The following TMTC1 variants were observed in gnomAD, a reference collection of about 807,000 sequenced individuals.
TMTC1 encodes the protein protein O-mannosyl-transferase TMTC1.
In TMTC1, 73 loss-of-function variants were observed where a neutral mutation model predicts 104.8. The observed-to-expected ratio is 0.70, with a 90% CI of 0.58 to 0.85. TMTC1 has a LOEUF of 0.85. Ranked by LOEUF, TMTC1 falls within the 40% of genes least tolerant of loss-of-function variation. The probability of loss-of-function intolerance (pLI) is 0.00; values close to 1 mark genes in which losing one functional copy is unlikely to be tolerated. For synonymous variants in TMTC1, 434 were observed against 428.7 expected (o/e 1.01, Z -0.15); for missense variants, 1,035 against 1,096.1 (o/e 0.94, Z 0.79).
At chr12:29,703,991 T>C (rs1941672841) in intron 5 of TMTC1, among the ~76,000 whole-genome samples, 1 of 152,156 alleles carries the variant, frequency 6.6e-6, no homozygotes, top group African/African-American at 2.4e-5. Flanking sequence ...GTTTTTCCCA[T>C]GAGACCTCCC....
At chr12:29,670,453 G>A (rs1940461809) in intron 5 of TMTC1, among the ~76,000 whole-genome samples, 1 of 152,186 alleles carries the variant, frequency 6.6e-6, no homozygotes, top group African/African-American at 2.4e-5. Context: ...CTTGTCCCAA[G>A]GTTCCACAGG....
At chr12:29,546,948 C>G (rs1944959062) in intron 10 of TMTC1, among the ~76,000 whole-genome samples, 1 of 152,128 alleles carries the variant, frequency 6.6e-6, no homozygotes, top group African/African-American at 2.4e-5. Context: ...AAAAATTATT[C>G]CTTTTTCACC....
At chr12:29,661,199 C>G (rs939113523) in intron 5 of TMTC1, 3 of 231,280 alleles carry the variant, frequency 1.3e-5, no homozygotes, top group Admixed American at 6.5e-5. Flanking sequence ...GGACTCAGCT[C>G]TGTTAGCTAT....
At chr12:29,714,310 TGCA>T (rs1364590668) in intron 5 of TMTC1, among the ~76,000 whole-genome samples, 1 of 152,242 alleles carries the variant, frequency 6.6e-6, no homozygotes, top group Non-Finnish European at 1.5e-5. Context: ...TTCTTTGACG[TGCA>T]GCAGAAGTGC....
intron 11 of TMTC1, chr12:29,534,767 C>T (rs1279212076): frequency 1.3e-5 from 2 of 152,100 alleles, no homozygotes; most frequent in African/African-American, 2.4e-5. Context: ...GAATAAAACA[C>T]ATAGCTGTTC....
chr12:29,525,494 T>G (rs1944316769), intron 11 of TMTC1, among the ~76,000 whole-genome samples: 1 of 152,072 alleles, frequency 6.6e-6, no homozygotes, highest in Non-Finnish European at 1.5e-5. Flanking sequence ...CAAAGGGCAG[T>G]CTTTTTCTGA....
chr12:29,779,558 C>A (rs967921808), intron 1 of TMTC1, among the ~76,000 whole-genome samples: 1 of 152,136 alleles, frequency 6.6e-6, no homozygotes, highest in Non-Finnish European at 1.5e-5. Context: ...TATTAGTATA[C>A]AAGCAACCAC....
chr12:29,513,095 T>C (rs11050263), intron 16 of TMTC1, among the ~76,000 whole-genome samples: 13,076 of 152,214 alleles, frequency 0.086, 729 homozygotes, highest in Non-Finnish European at 0.13. Flanking sequence ...TCAGTGAAGA[T>C]GGGAATGTAG....
intron 5 of TMTC1, among the ~76,000 whole-genome samples, chr12:29,713,337 A>AGG (rs1941987171): frequency 6.8e-6 from 1 of 147,196 alleles, no homozygotes; most frequent in African/African-American, 2.5e-5. Context: ...ACACACACAC[A>AGG]CACAGGGAGA....
chr12:29,584,168 C>A (rs911171998), intron 7 of TMTC1, among the ~76,000 whole-genome samples: 4 of 152,160 alleles, frequency 2.6e-5, no homozygotes, highest in Non-Finnish European at 5.9e-5. Context: ...AGACAAGATG[C>A]ATTGATATGC....
chr12:29,583,049 C>T (rs1370673921), intron 8 of TMTC1, among the ~76,000 whole-genome samples: 2 of 152,172 alleles, frequency 1.3e-5, no homozygotes, highest in Non-Finnish European at 2.9e-5. Context: ...ATTTCTCTTC[C>T]CTCTGGCTGT....
intron 5 of TMTC1, among the ~76,000 whole-genome samples, chr12:29,694,423 C>T (rs1941354467): frequency 6.6e-6 from 1 of 152,160 alleles, no homozygotes; most frequent in Non-Finnish European, 1.5e-5. Context: ...CACACATCCT[C>T]CCATACACTT....
intron 5 of TMTC1, among the ~76,000 whole-genome samples, chr12:29,730,188 T>C (rs1474663350): frequency 6.6e-6 from 1 of 152,180 alleles, no homozygotes; most frequent in Non-Finnish European, 1.5e-5. Context: ...CCTGACAAAG[T>C]GAGATTTAAA....
In TMTC1 at chr12:29,583,532, G is replaced by C. The variant is rs745356131; in HGVS notation, c.1293C>G (p.Leu431=). The change falls in exon 8 of 18, where the codon CTC becomes CTG. Residue 431 remains leucine, a synonymous_variant. Transcript: ENST00000539277. ...CCCCACATCGATTCAGCCAAGTGCA[G>C]AGCTTGCTCAGTCCATGCACAAAAA... is the stretch of plus-strand genomic sequence containing the variant. ...CILFVHGLSK[L]CTWLNRCGAT... The C allele has an allele frequency of 1.9e-6, 3 of 1,613,828 alleles. No homozygotes were observed. The highest frequency in any genetic ancestry group is 2.2e-5 in the East Asian group (1 of 44,818).
chr12:29,713,921 G>A (rs1307438185), intron 5 of TMTC1, among the ~76,000 whole-genome samples: 1 of 152,068 alleles, frequency 6.6e-6, no homozygotes, highest in Non-Finnish European at 1.5e-5. Flanking sequence ...CTCATGAATG[G>A]ATTAATGCTG....
At chr12:29,695,127 A>C (rs1003600427) in intron 5 of TMTC1, among the ~76,000 whole-genome samples, 2 of 151,818 alleles carry the variant, frequency 1.3e-5, no homozygotes, top group African/African-American at 4.8e-5. Flanking sequence ...CATCACTCCA[A>C]TCCCTGCCTC....
chr12:29,769,435 C>T (rs1440347960), intron 1 of TMTC1, among the ~76,000 whole-genome samples: 1 of 152,172 alleles, frequency 6.6e-6, no homozygotes, highest in African/African-American at 2.4e-5. Flanking sequence ...GGAAATTGCC[C>T]ATCCAGAGGG....
chr12:29,552,063 C>T (rs947492206), intron 10 of TMTC1, among the ~76,000 whole-genome samples: 1 of 152,124 alleles, frequency 6.6e-6, no homozygotes, highest in Admixed American at 6.5e-5. Context: ...TATAAGATTG[C>T]CTTGGATGCT....
Position 29,505,448 on chromosome 12 carries a change from C to T in TMTC1, c.*1398G>A, listed in dbSNP as rs1943676846. The T allele has an allele frequency of 6.6e-6, 1 of 152,182 alleles. No individual in the cohort carries two copies. Among genetic ancestry groups the T allele is most frequent in the Non-Finnish European group, 1.5e-5 (1 of 68,032 alleles). 9.4% of individuals were successfully genotyped at this position (152,182 alleles called of 1,614,324 possible). On this transcript the variant is annotated 3_prime_UTR_variant, in exon 18 of 18. Transcript: ENST00000539277. The stretch of plus-strand genomic sequence containing the variant: ...CAAAAAACTGAAGGCTGATTCCTCA[C>T]ATCTCTTTAGCAAGTGAATAATCAA...
Sources: gnomAD v4.1 joint callset for allele counts (sites outside exome capture counted in the v4.1 genomes callset) on GRCh38, gnomAD v4.1.1 for gene constraint, MANE v1.5 for transcripts, NCBI Gene and HGNC (gene_info 2026-07-23, HGNC 2026-07-21) for gene names.